CNOT7: variants seen among roughly 807,000 people sequenced by gnomAD.
CNOT7 encodes CCR4-NOT transcription complex subunit 7, also known as BTG1-binding factor 1.
A neutral mutation model predicts 37.1 loss-of-function variants in CNOT7; 4 were observed. The ratio of observed to expected loss-of-function variants is 0.11; its 90% CI spans 0.05 to 0.25. CNOT7 has a LOEUF of 0.25. Among genes scored for constraint, CNOT7 ranks in the 10% least tolerant of loss-of-function variants. CNOT7 has a pLI of 1.00. For synonymous variants in CNOT7, 128 were observed against 115.6 expected, an observed-to-expected ratio of 1.11 and a Z score of -0.69; for missense variants, 170 against 336.2, an observed-to-expected ratio of 0.51 and a Z score of 3.87.
At position 17,228,199 on chromosome 8, in the gene CNOT7, T is replaced by A. The variant is rs981081131; in HGVS notation, c.*2521A>T. 24 of 152,060 alleles carry A rather than the reference T, an allele frequency of 1.6e-4. No individual in the cohort carries two copies. Among genetic ancestry groups the A allele is most frequent in the African/African-American group, 5.8e-4 (24 of 41,556 alleles). The allele number at this position is 152,060 out of a possible 1,614,324, so 9.4% of individuals were successfully genotyped here. ...CACACAAAAACAGGCAGCAAGCTGATTCTGGCTACGGGCCATAGTTTGACA... is the reference window on the plus strand; with the variant it reads ...CACACAAAAACAGGCAGCAAGCTGAATCTGGCTACGGGCCATAGTTTGACA... On this transcript the variant is annotated 3_prime_UTR_variant, in exon 7 of 7. Coordinates refer to ENST00000361272, the MANE Select transcript of CNOT7 (RefSeq NM_013354.7).
At chr8:17,240,567 C>T (rs187722496) in intron 3 of CNOT7, among the ~76,000 whole-genome samples, 620 of 152,224 alleles carry the variant, frequency 4.1e-3, no homozygotes, top group Non-Finnish European at 6.2e-3. Flanking sequence ...GCAGTTGTTA[C>T]TCGAACAAAG....
At chr8:17,246,020 T>TTGGAGA (rs1810976917) in intron 1 of CNOT7, 4 of 150,468 alleles carry the variant, frequency 2.7e-5, no homozygotes, top group African/African-American at 7.3e-5. Context: ...GAGTCACAAA[T>TTGGAGA]GTAACTTCCA....
chr8:17,234,538 A>G lies in CNOT7; in HGVS notation c.618+178T>C, dbSNP rs1319455370. On this transcript the variant is annotated intron_variant, in intron 5 of 6. Transcript: ENST00000361272. The stretch of plus-strand genomic sequence containing the variant: ...TGCCAAGACATACTGAAGCTCTGAA[A>G]AAAGGATTCCCTACAAATTATGTAT... 5 of 642,372 alleles carry G rather than the reference A, an allele frequency of 7.8e-6. No individual in the cohort carries two copies. The African/African-American group carries it at 9.2e-5, about 12-fold the overall frequency. The allele number at this position is 642,372 out of a possible 1,614,324, so 39.8% of individuals were successfully genotyped here.
rs1180799328 is a variant in CNOT7, at chr8:17,225,585, A to G, written c.*5135T>C. 2 of 151,784 alleles carry G rather than the reference A, an allele frequency of 1.3e-5. No homozygotes were observed. The highest frequency in any genetic ancestry group is 3.0e-5 in the Non-Finnish European group (2 of 67,724). The allele number at this position is 151,784 out of a possible 1,614,324, so 9.4% of individuals were successfully genotyped here. ...TAAAACAAATGGAAATTGTCTAGTG[A>G]TAATGTACATGAATCTTGTTTTCTT... On this transcript the variant is annotated 3_prime_UTR_variant, in exon 7 of 7. Coordinates refer to ENST00000361272, the MANE Select transcript of CNOT7 (RefSeq NM_013354.7).
chr8:17,230,773 C>T lies in CNOT7; in HGVS notation c.805G>A (p.Val269Ile). ...TATGCATTCCCTGTGCCATTCTGTA[C>T]ATAGGATGAACCAGAACCAAGGCCA... ...LYGLGSGSSY[V>I]QNGTGNAYEE... The change falls in exon 7 of 7, where the codon GTA (valine) becomes ATA (isoleucine). Residue 269 changes from valine (V) to isoleucine (I), a missense_variant. Val to Ile is a conservative substitution (Grantham distance 29). Transcript: ENST00000361272. 6.2e-7 allele frequency: 1 copy of T among 1,610,612 alleles called. No individual in the cohort carries two copies. The highest frequency in any genetic ancestry group is 8.5e-7 in the Non-Finnish European group (1 of 1,177,818).
chr8:17,241,042 G>A (rs1810092344), intron 3 of CNOT7, among the ~76,000 whole-genome samples: 1 of 152,180 alleles, frequency 6.6e-6, no homozygotes, highest in East Asian at 1.9e-4. Context: ...TACTTTACAA[G>A]GTTCTGTAGA....
chr8:17,240,170 C>T (rs79354463), intron 3 of CNOT7, among the ~76,000 whole-genome samples: 4 of 152,186 alleles, frequency 2.6e-5, no homozygotes, highest in African/African-American at 9.7e-5. Context: ...AGGCATTACT[C>T]GTTTATCTTC....
chr8:17,239,998 A>G (rs1809937686), intron 3 of CNOT7, among the ~76,000 whole-genome samples: 1 of 152,236 alleles, frequency 6.6e-6, no homozygotes, highest in South Asian at 2.1e-4. Flanking sequence ...CAGAAGAGTT[A>G]CAAAACACTG....
At position 17,230,053 on chromosome 8, in the gene CNOT7, C is replaced by CA. The variant is rs1808431413; in HGVS notation, c.*666dup. ...CCTACACATGCCAATTAGAAACTGA[C>CA]AGACACTAGATGTGCTTGGAAGATT... is the stretch of plus-strand genomic sequence containing the variant. On this transcript the variant is annotated 3_prime_UTR_variant, in exon 7 of 7. Coordinates refer to ENST00000361272, the MANE Select transcript of CNOT7 (RefSeq NM_013354.7). 1 of 152,350 alleles carries CA rather than the reference C, an allele frequency of 6.6e-6. No individual in the cohort carries two copies. Among genetic ancestry groups the CA allele is most frequent in the Admixed American group, 6.6e-5 (1 of 15,232 alleles). 9.4% of individuals were successfully genotyped at this position (152,350 alleles called of 1,614,324 possible).
rs529688549 is a variant in CNOT7 at position 17,229,839 on chromosome 8, T to G, written c.*881A>C. On this transcript the variant is annotated 3_prime_UTR_variant, in exon 7 of 7. Transcript: ENST00000361272. ...GCATCATAAGAATGGCTACAAAATTTAAAAAAAAAAAAAGGGTAAATGGTG... is the reference window on the plus strand; with the variant it reads ...GCATCATAAGAATGGCTACAAAATTGAAAAAAAAAAAAAGGGTAAATGGTG... 6.9e-6 allele frequency: 1 copy of G among 144,566 alleles called. No homozygotes were observed. The highest frequency in any genetic ancestry group is 2.6e-5 in the African/African-American group (1 of 38,852). 9.0% of individuals were successfully genotyped at this position (144,566 alleles called of 1,614,324 possible). A position where few individuals can be genotyped will look rare whatever the true frequency, so the allele number is the denominator to read the frequency against.
intron 5 of CNOT7, among the ~76,000 whole-genome samples, chr8:17,233,807 T>C (rs1808952789): frequency 6.6e-6 from 1 of 152,124 alleles, no homozygotes; most frequent in Non-Finnish European, 1.5e-5. Flanking sequence ...GTATTAAAGG[T>C]AAACACTGGC....
rs771925219 is a variant in CNOT7 at position 17,234,811 on chromosome 8, G to A, written c.523C>T (p.Pro175Ser). The change falls in exon 5 of 7, where the codon CCT (proline) becomes TCT (serine). Residue 175 changes from proline (P) to serine (S), a missense_variant. Coordinates refer to ENST00000361272, the MANE Select transcript of CNOT7 (RefSeq NM_013354.7). Reference sequence around the variant, plus strand: ...TCAAAGAAGTCAAGTTCTTCTTCAGGCAAGTTAGAGTTGGTTAGGATTTTG... The same window carrying A: ...TCAAAGAAGTCAAGTTCTTCTTCAGACAAGTTAGAGTTGGTTAGGATTTTG... ...LIKILTNSNL[P>S]EEELDFFEIL... The A allele has an allele frequency of 1.9e-6, 3 of 1,613,668 alleles. No individual in the cohort carries two copies. The highest frequency in any genetic ancestry group is 1.3e-5 in the African/African-American group (1 of 74,870).
rs1049047632 is a variant in CNOT7, at chr8:17,230,222, T to C, written c.*498A>G. The C allele has an allele frequency of 6.6e-6, 1 of 152,548 alleles. No individual in the cohort carries two copies. The highest frequency in any genetic ancestry group is 2.4e-5 in the African/African-American group (1 of 41,452). 9.4% of individuals were successfully genotyped at this position (152,548 alleles called of 1,614,324 possible). A position where few individuals can be genotyped will look rare whatever the true frequency, so the allele number is the denominator to read the frequency against. ...AATACTGTGTAAAGTTGGCAGATTTTTCCAGCTAAGATCAAGAAAAAACAA... is the reference window on the plus strand; with the variant it reads ...AATACTGTGTAAAGTTGGCAGATTTCTCCAGCTAAGATCAAGAAAAAACAA... On this transcript the variant is annotated 3_prime_UTR_variant, in exon 7 of 7. Coordinates refer to ENST00000361272, the MANE Select transcript of CNOT7 (RefSeq NM_013354.7).
At position 17,226,681 on chromosome 8, in the gene CNOT7, C is replaced by T. The variant is rs1000579477; in HGVS notation, c.*4039G>A. 17 of 151,800 alleles carry T rather than the reference C, an allele frequency of 1.1e-4. No homozygotes were observed. The highest frequency in any genetic ancestry group is 3.4e-4 in the African/African-American group (14 of 41,480). 9.4% of individuals were successfully genotyped at this position (151,800 alleles called of 1,614,324 possible). ...ACTAAAAATGGATTTGGCAATACAG[C>T]GCTGTTTTGACTTCTCATAGCACAG... On this transcript the variant is annotated 3_prime_UTR_variant, in exon 7 of 7. Coordinates refer to ENST00000361272, the MANE Select transcript of CNOT7 (RefSeq NM_013354.7).
rs1242954681 is a variant in CNOT7 at position 17,228,443 on chromosome 8, G to A, written c.*2277C>T. ...ATACGGTTGCTCAACCTACAATGAG[G>A]TTACATCTGAAAAAATACTAAGATG... is the stretch of plus-strand genomic sequence containing the variant. On this transcript the variant is annotated 3_prime_UTR_variant, in exon 7 of 7. Coordinates refer to ENST00000361272, the MANE Select transcript of CNOT7 (RefSeq NM_013354.7). The A allele has an allele frequency of 6.6e-6, 1 of 151,866 alleles. No homozygotes were observed. The highest frequency in any genetic ancestry group is 1.9e-4 in the East Asian group (1 of 5,186). The allele number at this position is 151,866 out of a possible 1,614,324, so 9.4% of individuals were successfully genotyped here. A position where few individuals can be genotyped will look rare whatever the true frequency, so the allele number is the denominator to read the frequency against.
At chr8:17,238,538 A>G (rs1290974736) in intron 3 of CNOT7, among the ~76,000 whole-genome samples, 1 of 148,378 alleles carries the variant, frequency 6.7e-6, no homozygotes, top group Non-Finnish European at 1.5e-5. Flanking sequence ...CAGTGAAACC[A>G]CAGCTTTCCT....
chr8:17,245,267 A>G lies in CNOT7; in HGVS notation c.-95-20T>C, dbSNP rs528257755. 3.7e-6 allele frequency: 4 copies of G among 1,082,506 alleles called. No homozygotes were observed. Among genetic ancestry groups the G allele is most frequent in the South Asian group, 3.9e-5 (2 of 51,494 alleles). 67.1% of individuals were successfully genotyped at this position (1,082,506 alleles called of 1,614,324 possible). On this transcript the variant is annotated intron_variant, in intron 1 of 6. Transcript: ENST00000361272. Reference sequence around the variant, plus strand: ...ATGTACCTGTCAAAATAAAAAAACAATATGAAGACCAGATATATCAAATCT... The same window carrying G: ...ATGTACCTGTCAAAATAAAAAAACAGTATGAAGACCAGATATATCAAATCT...
rs1483193473 is a variant in CNOT7, at chr8:17,228,751, A to G, written c.*1969T>C. On this transcript the variant is annotated 3_prime_UTR_variant, in exon 7 of 7. Coordinates refer to ENST00000361272, the MANE Select transcript of CNOT7 (RefSeq NM_013354.7). ...GAGATTGAGCAACTATGTGGCTAAT[A>G]AAAAGGCAATCTTTATCATTCCTAT... is the stretch of plus-strand genomic sequence containing the variant. 4 of 151,980 alleles carry G rather than the reference A, an allele frequency of 2.6e-5. No individual in the cohort carries two copies. The highest frequency in any genetic ancestry group is 5.9e-5 in the Non-Finnish European group (4 of 67,872). The allele number at this position is 151,980 out of a possible 1,614,324, so 9.4% of individuals were successfully genotyped here. A position where few individuals can be genotyped will look rare whatever the true frequency, so the allele number is the denominator to read the frequency against.
At chr8:17,244,839 G>A (rs1307734207) in intron 2 of CNOT7, 197 bp downstream of exon 2, 3 of 519,560 alleles carry the variant, frequency 5.8e-6, no homozygotes, top group African/African-American at 3.9e-5. Flanking sequence ...TTCCCTCACT[G>A]CAATGAGGGA....
Sources: gnomAD v4.1 joint callset for allele counts (sites outside exome capture counted in the v4.1 genomes callset) on GRCh38, gnomAD v4.1.1 for gene constraint, MANE v1.5 for transcripts, NCBI Gene and HGNC (gene_info 2026-07-23, HGNC 2026-07-21) for gene names.